Variants in VIPR2 observed in about 807,000 individuals in gnomAD.
The protein encoded by VIPR2 is vasoactive intestinal polypeptide receptor 2.
A neutral mutation model predicts 58.0 loss-of-function variants in VIPR2; 48 were observed. The observed-to-expected ratio is 0.83, with a 90% CI of 0.66 to 1.05. The LOEUF (loss-of-function observed/expected upper bound fraction) is 1.05, where lower values mean the gene tolerates loss of function less well. VIPR2 is among the 50% of genes least tolerant of loss of function. VIPR2 has a pLI of 0.00. For synonymous variants in VIPR2, 243 were observed against 235.2 expected (o/e 1.03, Z -0.30); for missense variants, 534 against 558.0 (o/e 0.96, Z 0.43).
At chr7:159,144,666 G>T in intron 1 of VIPR2, 55 bp downstream of exon 1, 5 of 1,367,980 alleles carry the variant, frequency 3.7e-6, no homozygotes, top group Non-Finnish European at 4.7e-6. Context: ...GCTCTTCTCG[G>T]AAGGGGAGAA....
At chr7:159,042,293 C>T (rs970782816) in intron 6 of VIPR2, among the ~76,000 whole-genome samples, 6 of 152,058 alleles carry the variant, frequency 3.9e-5, no homozygotes, top group African/African-American at 9.7e-5. Flanking sequence ...ACCAGGGGCA[C>T]GAATCCTTCA....
chr7:159,108,501 T>C (rs939398181), intron 3 of VIPR2, among the ~76,000 whole-genome samples: 1 of 152,220 alleles, frequency 6.6e-6, no homozygotes, highest in African/African-American at 2.4e-5. Flanking sequence ...AATAACAAGG[T>C]GGTGTCATGC....
chr7:159,133,419 C>G (rs567184109), intron 2 of VIPR2, among the ~76,000 whole-genome samples: 2 of 152,400 alleles, frequency 1.3e-5, no homozygotes, highest in Admixed American at 6.5e-5. Flanking sequence ...ATGCAGGCAT[C>G]TGGGAAATGA....
At chr7:159,064,345 C>G (rs1164871813) in intron 4 of VIPR2, among the ~76,000 whole-genome samples, 1 of 152,044 alleles carries the variant, frequency 6.6e-6, no homozygotes, top group Non-Finnish European at 1.5e-5. Flanking sequence ...CCCCCGGCTG[C>G]CCCTCTGTGC....
At chr7:159,082,306 T>A (rs1856946628) in intron 4 of VIPR2, among the ~76,000 whole-genome samples, 1 of 152,164 alleles carries the variant, frequency 6.6e-6, no homozygotes, top group Non-Finnish European at 1.5e-5. Flanking sequence ...TGAGTTCATG[T>A]CCTTTGTAGG....
At position 159,084,765 on chromosome 7, in the gene VIPR2, C is replaced by G. The variant is rs149086458; in HGVS notation, c.357+18992G>C. 3.7e-3 allele frequency among the ~76,000 whole-genome samples: 563 copies of G among 152,306 alleles called. 3 individuals are homozygous for G. The highest frequency in any genetic ancestry group is 0.013 in the African/African-American group (526 of 41,562). On this transcript the variant is annotated intron_variant, in intron 4 of 12. Coordinates refer to ENST00000262178, the MANE Select transcript of VIPR2 (RefSeq NM_003382.5). ...GGAGGATTTCGGGGCATGGACTCCA[C>G]CCCTCACTGGAGGCCGCCAGTTGCC...
intron 2 of VIPR2, among the ~76,000 whole-genome samples, chr7:159,134,476 A>G (rs1468085633): frequency 1.3e-5 from 2 of 152,236 alleles, no homozygotes; most frequent in African/African-American, 4.8e-5. Context: ...AGAATAAAAA[A>G]GAAGAAAATG....
chr7:159,037,862 T>C (rs1854071276), intron 6 of VIPR2, among the ~76,000 whole-genome samples: 1 of 152,214 alleles, frequency 6.6e-6, no homozygotes, highest in Non-Finnish European at 1.5e-5. Context: ...TCTGTATTTA[T>C]GTTCATATCT....
rs1858051991 is a variant in VIPR2 at position 159,099,124 on chromosome 7, AG to A, written c.357+4632del. Among the ~76,000 whole-genome samples the A allele has an allele frequency of 2.0e-5, 3 of 152,286 alleles. No homozygotes were observed. ...GTATTCAACGAGCAGAAACTGCAACAGGAAGAAAAATTATTCATTTTGGTTT... is the reference window on the plus strand; with the variant it reads ...GTATTCAACGAGCAGAAACTGCAACAGAAGAAAAATTATTCATTTTGGTTT... On this transcript the variant is annotated intron_variant, in intron 4 of 12. Transcript: ENST00000262178. The surrounding 1 kb of genome is among the most constrained non-coding windows in gnomAD (Gnocchi z 4.2).
rs184606706 is a variant in VIPR2 at position 159,138,027 on chromosome 7, T to G, written c.151+4419A>C. 1.1e-4 allele frequency among the ~76,000 whole-genome samples: 16 copies of G among 152,300 alleles called. 1 individual carries two copies. Among genetic ancestry groups the G allele is most frequent in the Admixed American group, 9.8e-4 (15 of 15,304 alleles). Reference sequence around the variant, plus strand: ...TTCTGGAGCATAACACAGTGATTATTCATTTAGTTTCTTAGAACAGGTCTG... The same window carrying G: ...TTCTGGAGCATAACACAGTGATTATGCATTTAGTTTCTTAGAACAGGTCTG... On this transcript the variant is annotated intron_variant, in intron 2 of 12. Coordinates refer to ENST00000262178, the MANE Select transcript of VIPR2 (RefSeq NM_003382.5).
intron 2 of VIPR2, among the ~76,000 whole-genome samples, chr7:159,129,685 T>C (rs865796577): frequency 2.7e-3 from 174 of 65,324 alleles, no homozygotes; most frequent in East Asian, 6.9e-3. Context: ...GGGGACAGGG[T>C]CAGGTGACCA....
At position 159,095,708 on chromosome 7, in the gene VIPR2, G is replaced by A. The variant is rs188189137; in HGVS notation, c.357+8049C>T. Among the ~76,000 whole-genome samples, 196 of 152,254 alleles carry A rather than the reference G, an allele frequency of 1.3e-3. No homozygotes were observed. The highest frequency in any genetic ancestry group is 4.5e-3 in the African/African-American group (189 of 41,550). On this transcript the variant is annotated intron_variant, in intron 4 of 12. Transcript: ENST00000262178. The surrounding 1 kb of genome is among the most constrained non-coding windows in gnomAD (Gnocchi z 5.2). ...CCTTGGCCGTTATCCAGCCCACGGTGGTCTCCACGAGCCCCTGCTCCTGTC... is the reference window on the plus strand; with the variant it reads ...CCTTGGCCGTTATCCAGCCCACGGTAGTCTCCACGAGCCCCTGCTCCTGTC...
intron 4 of VIPR2, among the ~76,000 whole-genome samples, chr7:159,086,500 T>TTTG (rs1373249915): frequency 1.3e-5 from 2 of 152,168 alleles, no homozygotes; most frequent in African/African-American, 4.8e-5. Flanking sequence ...GCCACATGGG[T>TTTG]TTGCCCCCAG....
At chr7:159,058,272 C>T (rs1015442111) in intron 5 of VIPR2, among the ~76,000 whole-genome samples, 14 of 152,134 alleles carry the variant, frequency 9.2e-5, no homozygotes, top group Non-Finnish European at 1.8e-4. Flanking sequence ...AGTTCCTATC[C>T]AAGGTCAGCA....
chr7:159,031,445 C>A lies in VIPR2; in HGVS notation c.1143+383G>T. The A allele has an allele frequency of 1.0e-6, 1 of 985,266 alleles. No homozygotes were observed. The highest frequency in any genetic ancestry group is 1.2e-6 in the Non-Finnish European group (1 of 829,804). 61.0% of individuals were successfully genotyped at this position (985,266 alleles called of 1,614,324 possible). A position where few individuals can be genotyped will look rare whatever the true frequency, so the allele number is the denominator to read the frequency against. On this transcript the variant is annotated intron_variant, in intron 12 of 12. Transcript: ENST00000262178. The surrounding 1 kb of genome is among the most constrained non-coding windows in gnomAD (Gnocchi z 4.0). ...GCTTCCTCCCCAGGGACTCACAGGA[C>A]GCTGTGCAGCCCCACCCCCCAACCC... is the stretch of plus-strand genomic sequence containing the variant.
chr7:159,079,383 C>T (rs1317217267), intron 4 of VIPR2, among the ~76,000 whole-genome samples: 4 of 152,090 alleles, frequency 2.6e-5, no homozygotes, highest in African/African-American at 7.2e-5. Flanking sequence ...GGGTACATAA[C>T]GAAATGAAGG....
Position 159,032,058 on chromosome 7 carries a change from G to A in VIPR2, c.981C>T (p.Ala327=). ...GCGGGATAAGCAGGAGCGTGGACTT[G>A]GCCAGCCTCCTGCACAGAAGGAGAT... The part of the protein sequence containing the change: ...GNDQSQYKRL[A]KSTLLLIPLF... Residue 327 remains alanine (A), a synonymous_variant, in exon 11 of 13, where the codon GCC becomes GCT. Transcript: ENST00000262178. The A allele has an allele frequency of 6.2e-7, 1 of 1,614,008 alleles. No individual in the cohort carries two copies. The highest frequency in any genetic ancestry group is 1.1e-5 in the South Asian group (1 of 91,060).
In VIPR2 at chr7:159,034,149, T is replaced by TG. The variant is rs910332494; in HGVS notation, c.971+63dup. 5.2e-6 allele frequency: 8 copies of TG among 1,542,854 alleles called. 1 individual carries two copies. In the South Asian group the frequency reaches 5.7e-5, roughly 11 times the overall value. ...CACCTCCAGGGCCTTCCTGGCAGCG[T>TG]GGGGGTCTCCTGTCTCCACACGGCA... On this transcript the variant is annotated intron_variant, in intron 10 of 12. Transcript: ENST00000262178.
intron 4 of VIPR2, among the ~76,000 whole-genome samples, chr7:159,067,781 T>C (rs948602848): frequency 2.0e-5 from 3 of 152,226 alleles, no homozygotes; most frequent in African/African-American, 7.2e-5. Context: ...TTCAAGTTCT[T>C]TCCCCGGAAC....
Sources: allele counts gnomAD v4.1 joint callset (sites outside exome capture counted in the v4.1 genomes callset), GRCh38; gene constraint gnomAD v4.1.1; non-coding constraint Gnocchi (gnomAD v3.1); transcripts MANE v1.5; gene names NCBI Gene and HGNC (gene_info 2026-07-23, HGNC 2026-07-21).